LUZP2: variants seen among roughly 807,000 people sequenced by gnomAD.
The protein encoded by LUZP2 is leucine zipper protein 2.
LUZP2 carries 52 observed loss-of-function variants against 51.6 expected under a neutral mutation model. The ratio of observed to expected loss-of-function variants is 1.01; its 90% CI spans 0.81 to 1.27. LUZP2 has a LOEUF of 1.27. Among genes scored for constraint, LUZP2 ranks in the 50% most tolerant of loss-of-function variants. The pLI is 0.00. For missense variants in LUZP2, 436 were observed against 395.4 expected, an observed-to-expected ratio of 1.10 and a Z score of -0.87; for synonymous variants, 154 against 137.3, an observed-to-expected ratio of 1.12 and a Z score of -0.85.
chr11:24,927,258 T>G (rs1410112377), intron 7 of LUZP2, among the ~76,000 whole-genome samples: 2 of 152,128 alleles, frequency 1.3e-5, no homozygotes, highest in Non-Finnish European at 2.9e-5. Context: ...AGCTTTTTAT[T>G]TGAATTAAGT....
chr11:25,075,722 G>T (rs1265496698), intron 10 of LUZP2, among the ~76,000 whole-genome samples: 2 of 152,030 alleles, frequency 1.3e-5, no homozygotes, highest in Non-Finnish European at 2.9e-5. Flanking sequence ...TGAAAGAAGT[G>T]GGGTAGCACA....
At chr11:24,583,474 C>T (rs184820052) in intron 1 of LUZP2, among the ~76,000 whole-genome samples, 4 of 151,164 alleles carry the variant, frequency 2.6e-5, no homozygotes, top group African/African-American at 7.3e-5. Flanking sequence ...AGGAAACTAT[C>T]AATAAGTAAA....
At chr11:24,628,569 T>C (rs530660186) in intron 1 of LUZP2, among the ~76,000 whole-genome samples, 1 of 152,296 alleles carries the variant, frequency 6.6e-6, no homozygotes, top group South Asian at 2.1e-4. Context: ...TTTATCTTTT[T>C]ATTTTTTTTG....
Position 25,077,320 on chromosome 11 carries a change from C to A in LUZP2, c.859-9C>A, listed in dbSNP as rs1312890561. ...TTCATTGATGTATTTTTAATTGCTA[C>A]TTTTGTAGGAGGGCAGACCGTGTTC... is the stretch of plus-strand genomic sequence containing the variant. On this transcript the variant is annotated splice_polypyrimidine_tract_variant and intron_variant, in intron 10 of 11. Coordinates refer to ENST00000336930, the MANE Select transcript of LUZP2 (RefSeq NM_001009909.4). 6.2e-7 allele frequency: 1 copy of A among 1,607,088 alleles called. No homozygotes were observed. The highest frequency in any genetic ancestry group is 8.5e-7 in the Non-Finnish European group (1 of 1,174,498).
intron 1 of LUZP2, among the ~76,000 whole-genome samples, chr11:24,562,023 T>C (rs1351823064): frequency 6.6e-6 from 1 of 151,970 alleles, no homozygotes; most frequent in Non-Finnish European, 1.5e-5. Flanking sequence ...TGGAAAGCAA[T>C]GTAAGTGGGA....
At chr11:24,932,770 T>C (rs937645315) in intron 7 of LUZP2, among the ~76,000 whole-genome samples, 5 of 152,220 alleles carry the variant, frequency 3.3e-5, no homozygotes, top group African/African-American at 9.6e-5. Flanking sequence ...CACGCCTCCC[T>C]GCCTGCCGCA....
At chr11:24,685,025 C>CTGTG (rs5741709) in intron 1 of LUZP2, among the ~76,000 whole-genome samples, 35 of 147,936 alleles carry the variant, frequency 2.4e-4, no homozygotes, top group East Asian at 1.0e-3. Flanking sequence ...GTATTTTGCT[C>CTGTG]TGTGTGTGTG....
At chr11:24,941,231 T>C (rs1854737123) in intron 7 of LUZP2, among the ~76,000 whole-genome samples, 1 of 152,200 alleles carries the variant, frequency 6.6e-6, no homozygotes, top group Admixed American at 6.5e-5. Flanking sequence ...ACTCATATCA[T>C]AGTTAGGTTT....
In LUZP2 at chr11:24,582,281, C is replaced by G. The variant is rs529699376; in HGVS notation, c.62+84976C>G. ...CACATTTTTTAAAAGGAGTGTGGCT[C>G]TCTGTAATCCCTAGCTGATTTTTTT... On this transcript the variant is annotated intron_variant, in intron 1 of 11. Coordinates refer to ENST00000336930, the MANE Select transcript of LUZP2 (RefSeq NM_001009909.4). Among the ~76,000 whole-genome samples, 201 of 136,820 alleles carry G rather than the reference C, an allele frequency of 1.5e-3. 1 individual carries two copies. Among genetic ancestry groups the G allele is most frequent in the African/African-American group, 5.4e-3 (195 of 36,260 alleles). The allele number at this position is 136,820 out of a possible 152,430, so 89.8% of individuals were successfully genotyped here.
intron 1 of LUZP2, among the ~76,000 whole-genome samples, chr11:24,660,429 A>G (rs1855978921): frequency 6.6e-6 from 1 of 152,220 alleles, no homozygotes; most frequent in African/African-American, 2.4e-5. Flanking sequence ...TGAAGTCACA[A>G]GAACTTTTAC....
intron 5 of LUZP2, among the ~76,000 whole-genome samples, chr11:24,844,313 C>T (rs767307646): frequency 1.3e-5 from 2 of 151,996 alleles, no homozygotes; most frequent in Non-Finnish European, 2.9e-5. Context: ...AGCATTTTGC[C>T]CCTGCCCTAG....
chr11:24,625,013 A>G (rs1453373680), intron 1 of LUZP2, among the ~76,000 whole-genome samples: 1 of 152,176 alleles, frequency 6.6e-6, no homozygotes, highest in Non-Finnish European at 1.5e-5. Flanking sequence ...ACAGAAGGAA[A>G]TCCTGTCATT....
At chr11:24,815,675 G>A (rs1226755134) in intron 5 of LUZP2, among the ~76,000 whole-genome samples, 1 of 152,072 alleles carries the variant, frequency 6.6e-6, no homozygotes, top group African/African-American at 2.4e-5. Context: ...TCAGCCTCCA[G>A]ACCTCTCAGC....
intron 9 of LUZP2, among the ~76,000 whole-genome samples, chr11:25,028,681 A>T (rs185695117): frequency 2.8e-5 from 4 of 144,698 alleles, no homozygotes; most frequent in Non-Finnish European, 5.9e-5. Context: ...TACCATTTTT[A>T]ATTTGCATGT....
chr11:24,847,934 T>C (rs1851254187), intron 5 of LUZP2, among the ~76,000 whole-genome samples: 2 of 152,202 alleles, frequency 1.3e-5, no homozygotes, highest in Admixed American at 1.3e-4. Flanking sequence ...TCATTTAAGC[T>C]GGCTTATTTG....
chr11:24,657,365 T>C (rs887604019), intron 1 of LUZP2, among the ~76,000 whole-genome samples: 1 of 152,040 alleles, frequency 6.6e-6, no homozygotes, highest in African/African-American at 2.4e-5. Flanking sequence ...CGTTTAGAAC[T>C]AGGATTCAAC....
At chr11:25,045,607 G>T (rs549981797) in intron 9 of LUZP2, among the ~76,000 whole-genome samples, 225 of 152,148 alleles carry the variant, frequency 1.5e-3, no homozygotes, top group African/African-American at 4.9e-3. Context: ...ATTTGCATGA[G>T]AAAACATAAT....
In LUZP2 at chr11:24,737,501, T is replaced by TAAAAAA. The variant is rs74313884; in HGVS notation, c.252-716_252-711dup. Among the ~76,000 whole-genome samples, 171 of 150,318 alleles carry TAAAAAA rather than the reference T, an allele frequency of 1.1e-3. 1 individual carries two copies. The highest frequency in any genetic ancestry group is 8.8e-3 in the East Asian group (44 of 5,020). On this transcript the variant is annotated intron_variant, in intron 3 of 11. Coordinates refer to ENST00000336930, the MANE Select transcript of LUZP2 (RefSeq NM_001009909.4). ...GATCTATTTGAGGTGATAGCTCGAGTAAAAAAAAATCAAGGCACAGAAAGA... is the reference window on the plus strand; with the variant it reads ...GATCTATTTGAGGTGATAGCTCGAGTAAAAAAAAAAAAAAATCAAGGCACAGAAAGA...
At chr11:24,528,958 G>A (rs1372703271) in intron 1 of LUZP2, among the ~76,000 whole-genome samples, 1 of 151,054 alleles carries the variant, frequency 6.6e-6, no homozygotes, top group African/African-American at 2.4e-5. Context: ...AGAATGCTGG[G>A]TTAAATCCAA....
Sources: allele counts gnomAD v4.1 joint callset (sites outside exome capture counted in the v4.1 genomes callset), GRCh38; gene constraint gnomAD v4.1.1; transcripts MANE v1.5; gene names NCBI Gene and HGNC (gene_info 2026-07-23, HGNC 2026-07-21).